The following SLC35F4 variants were observed in gnomAD, a reference collection of about 807,000 sequenced individuals.
The protein encoded by SLC35F4 is chromosome 14 open reading frame 36.
Under a neutral mutation model 44.2 loss-of-function variants are expected in SLC35F4, and 24 were observed. The ratio of observed to expected loss-of-function variants is 0.54; its 90% CI spans 0.39 to 0.76. The LOEUF (loss-of-function observed/expected upper bound fraction) is 0.76, where lower values mean the gene tolerates loss of function less well. Among genes scored for constraint, SLC35F4 ranks in the 30% least tolerant of loss-of-function variants. The pLI is 0.00. For synonymous variants in SLC35F4, 238 were observed against 223.6 expected, an observed-to-expected ratio of 1.06 and a Z score of -0.57; for missense variants, 562 against 586.1, an observed-to-expected ratio of 0.96 and a Z score of 0.42.
rs965013344 is a variant in SLC35F4, at chr14:57,602,790, C to T, written c.104-8666G>A. On this transcript the variant is annotated intron_variant, in intron 1 of 7. Coordinates refer to ENST00000556826, the MANE Select transcript of SLC35F4 (RefSeq NM_001306087.2). ...TGGTTGGGATCAAGACATATTTTCT[C>T]TGTTTCCCTTACCCTGAATAAAATA... Among the ~76,000 whole-genome samples the T allele has an allele frequency of 6.6e-5, 10 of 152,266 alleles. 1 individual carries two copies. The East Asian group carries it at 1.9e-3, about 29-fold the overall frequency.
chr14:57,920,084 TTCCTTA>T (rs1889413092), intron 1 of SLC35F4, among the ~76,000 whole-genome samples: 1 of 152,162 alleles, frequency 6.6e-6, no homozygotes, highest in South Asian at 2.1e-4. Context: ...TGCACGTTGT[TTCCTTA>T]TCTTCAGTTA....
At chr14:57,797,870 G>A (rs2078091935) in intron 1 of SLC35F4, among the ~76,000 whole-genome samples, 2 of 151,958 alleles carry the variant, frequency 1.3e-5, no homozygotes, top group Admixed American at 1.3e-4. Flanking sequence ...TCTTGGACTT[G>A]GCCACGTGAC....
intron 1 of SLC35F4, among the ~76,000 whole-genome samples, chr14:57,650,772 T>A (rs2073750773): frequency 6.6e-6 from 1 of 152,138 alleles, no homozygotes; most frequent in South Asian, 2.1e-4. Context: ...TGCCCACCCC[T>A]CCAGGTCAGC....
chr14:57,743,209 A>T (rs2076662993), intron 1 of SLC35F4, among the ~76,000 whole-genome samples: 1 of 152,216 alleles, frequency 6.6e-6, no homozygotes, highest in Non-Finnish European at 1.5e-5. Flanking sequence ...AGAAGGCAAG[A>T]AATAACTAAA....
At chr14:57,595,702 A>G (rs1192210652) in intron 1 of SLC35F4, 1 of 152,186 alleles carries the variant, frequency 6.6e-6, no homozygotes, top group Non-Finnish European at 1.5e-5. Context: ...AGCTTTGGCC[A>G]TGGCGAGCTC....
intron 4 of SLC35F4, among the ~76,000 whole-genome samples, chr14:57,576,981 C>G (rs2068833154): frequency 6.6e-6 from 1 of 152,144 alleles, no homozygotes; most frequent in Non-Finnish European, 1.5e-5. Context: ...ATTCATAAGT[C>G]ATTGTCCTGC....
downstream of SLC35F4, among the ~76,000 whole-genome samples, chr14:57,972,834 G>A (rs1022764252): frequency 1.3e-5 from 2 of 152,142 alleles, no homozygotes; most frequent in Non-Finnish European, 2.9e-5. Context: ...CATATGGAAG[G>A]TTAATCATTT....
chr14:57,624,806 A>G (rs2072389613), intron 1 of SLC35F4, among the ~76,000 whole-genome samples: 1 of 152,174 alleles, frequency 6.6e-6, no homozygotes, highest in African/African-American at 2.4e-5. Context: ...ACCATATCTC[A>G]AAATAATAAG....
intron 1 of SLC35F4, among the ~76,000 whole-genome samples, chr14:57,961,421 T>C (rs1332689922): frequency 2.0e-5 from 3 of 152,132 alleles, no homozygotes; most frequent in African/African-American, 7.2e-5. Context: ...TGAAGTTAAC[T>C]GTGATTCTAT....
intron 1 of SLC35F4, among the ~76,000 whole-genome samples, chr14:57,881,215 G>A (rs1436830471): frequency 6.6e-6 from 1 of 152,038 alleles, no homozygotes; most frequent in Non-Finnish European, 1.5e-5. Context: ...TTCAGATTCT[G>A]ACCCTAGAAA....
chr14:57,674,712 C>T (rs930811511), intron 1 of SLC35F4, among the ~76,000 whole-genome samples: 2 of 152,036 alleles, frequency 1.3e-5, no homozygotes, highest in African/African-American at 4.8e-5. Flanking sequence ...CATAAGACTC[C>T]TGGGTCAGAG....
At chr14:57,832,532 T>C (rs1404191304) in intron 1 of SLC35F4, among the ~76,000 whole-genome samples, 1 of 152,222 alleles carries the variant, frequency 6.6e-6, no homozygotes, top group African/African-American at 2.4e-5. Context: ...CTATGTGAGA[T>C]GATAGACATG....
At chr14:57,776,326 C>G (rs1595032088) in intron 1 of SLC35F4, among the ~76,000 whole-genome samples, 1 of 152,190 alleles carries the variant, frequency 6.6e-6, no homozygotes, top group East Asian at 1.9e-4. Context: ...ACAAGAAGAT[C>G]ATCCCCAAGA....
At chr14:57,651,139 G>A (rs1197520594) in intron 1 of SLC35F4, among the ~76,000 whole-genome samples, 1 of 152,164 alleles carries the variant, frequency 6.6e-6, no homozygotes, top group Non-Finnish European at 1.5e-5. Context: ...AACTCATGGA[G>A]ACAGAGAGCT....
At chr14:57,721,049 C>A (rs1383623771) in intron 1 of SLC35F4, among the ~76,000 whole-genome samples, 9 of 119,246 alleles carry the variant, frequency 7.5e-5, no homozygotes, top group African/African-American at 2.4e-4. Flanking sequence ...ATATATATAT[C>A]TCCTATTAGT....
chr14:57,773,875 T>C (rs1488350653), intron 1 of SLC35F4, among the ~76,000 whole-genome samples: 6 of 152,154 alleles, frequency 3.9e-5, no homozygotes, highest in African/African-American at 7.2e-5. Flanking sequence ...CAGGAGCCCA[T>C]GTATTAAATT....
At chr14:57,913,279 A>G (rs1459660862) in intron 1 of SLC35F4, among the ~76,000 whole-genome samples, 2 of 152,078 alleles carry the variant, frequency 1.3e-5, no homozygotes, top group Non-Finnish European at 2.9e-5. Context: ...GATTATTGAT[A>G]TAGTTAGATT....
intron 1 of SLC35F4, among the ~76,000 whole-genome samples, chr14:57,679,963 C>T (rs1219270933): frequency 6.6e-6 from 1 of 152,044 alleles, no homozygotes; most frequent in African/African-American, 2.4e-5. Context: ...GAGCTGGTAC[C>T]ATTCCTTCTG....
chr14:57,887,810 C>T (rs1231910219), intron 1 of SLC35F4, among the ~76,000 whole-genome samples: 2 of 152,184 alleles, frequency 1.3e-5, no homozygotes, highest in African/African-American at 4.8e-5. Flanking sequence ...AACAGCGATA[C>T]AAAGTCATGC....
Sources: gnomAD v4.1 joint callset for allele counts (sites outside exome capture counted in the v4.1 genomes callset) on GRCh38, gnomAD v4.1.1 for gene constraint, MANE v1.5 for transcripts, NCBI Gene and HGNC (gene_info 2026-07-23, HGNC 2026-07-21) for gene names.